The following GRB2 variants were observed in gnomAD, a reference collection of about 807,000 sequenced individuals.
GRB2 encodes the protein growth factor receptor bound protein 2.
In GRB2, 2 loss-of-function variants were observed where a neutral mutation model predicts 27.4. The observed-to-expected ratio is 0.07, with a 90% CI of 0.03 to 0.23. The LOEUF is 0.23. Ranked by LOEUF, GRB2 falls within the 10% of genes least tolerant of loss-of-function variation. GRB2 has a pLI of 1.00. For synonymous variants in GRB2, 94 were observed against 99.6 expected (o/e 0.94, Z 0.33); for missense variants, 102 against 282.4 (o/e 0.36, Z 4.58).
At chr17:75,385,825 G>C (rs1317424342) in intron 2 of GRB2, among the ~76,000 whole-genome samples, 1 of 152,190 alleles carries the variant, frequency 6.6e-6, no homozygotes, top group African/African-American at 2.4e-5. Flanking sequence ...CTCTGTGCAA[G>C]TGTAGGCATT....
intron 1 of GRB2, among the ~76,000 whole-genome samples, chr17:75,398,579 C>T (rs1484681643): frequency 1.3e-5 from 2 of 151,730 alleles, no homozygotes; most frequent in African/African-American, 4.8e-5. Flanking sequence ...TTTTACCCTA[C>T]CCGGTGTCCA....
chr17:75,398,526 G>A (rs1489042041), intron 1 of GRB2, among the ~76,000 whole-genome samples: 1 of 152,094 alleles, frequency 6.6e-6, no homozygotes, highest in East Asian at 1.9e-4. Flanking sequence ...CTCCCAAAGT[G>A]CTGGGATTAC....
At chr17:75,348,474 T>G (rs534590542) in intron 2 of GRB2, among the ~76,000 whole-genome samples, 22 of 152,350 alleles carry the variant, frequency 1.4e-4, no homozygotes, top group African/African-American at 5.3e-4. Flanking sequence ...CTTTAGATAT[T>G]GTTCAAGTGT....
At chr17:75,375,740 G>A (rs965478999) in intron 2 of GRB2, among the ~76,000 whole-genome samples, 9 of 151,704 alleles carry the variant, frequency 5.9e-5, no homozygotes, top group African/African-American at 2.2e-4. Flanking sequence ...AAGTACTGGG[G>A]ACTGGCCGGG....
chr17:75,386,084 A>G (rs1376466886), intron 2 of GRB2, among the ~76,000 whole-genome samples: 1 of 152,076 alleles, frequency 6.6e-6, no homozygotes, highest in African/African-American at 2.4e-5. Flanking sequence ...TTATGTCTAC[A>G]TCTTTAAAAA....
intron 2 of GRB2, among the ~76,000 whole-genome samples, chr17:75,379,073 G>C (rs1045704225): frequency 6.6e-6 from 1 of 152,058 alleles, no homozygotes; most frequent in Non-Finnish European, 1.5e-5. Context: ...TGAAGTACCT[G>C]CTTACTTTCA....
At chr17:75,356,506 A>G (rs1203128101) in intron 2 of GRB2, among the ~76,000 whole-genome samples, 7 of 152,172 alleles carry the variant, frequency 4.6e-5, no homozygotes, top group Non-Finnish European at 5.9e-5. Flanking sequence ...AGACCCTATC[A>G]TTCGTTCTTT....
At chr17:75,364,226 T>C (rs991934073) in intron 2 of GRB2, among the ~76,000 whole-genome samples, 2 of 152,178 alleles carry the variant, frequency 1.3e-5, no homozygotes, top group Non-Finnish European at 2.9e-5. Flanking sequence ...TCAAACCAAC[T>C]GGGCTTAAAT....
chr17:75,341,235 C>T (rs1490283294), intron 2 of GRB2, among the ~76,000 whole-genome samples: 1 of 151,784 alleles, frequency 6.6e-6, no homozygotes, highest in Non-Finnish European at 1.5e-5. Flanking sequence ...AGTTCGAGAC[C>T]AGCCTGGTCA....
At chr17:75,376,974 G>A (rs1453309347) in intron 2 of GRB2, among the ~76,000 whole-genome samples, 1 of 152,020 alleles carries the variant, frequency 6.6e-6, no homozygotes, top group African/African-American at 2.4e-5. Context: ...TTGTACCTCT[G>A]CACTCCAGCC....
intron 2 of GRB2, among the ~76,000 whole-genome samples, chr17:75,379,410 AAAAAG>A (rs138415184): frequency 0.59 from 88,119 of 148,278 alleles, 30,222 homozygotes; most frequent in East Asian, 0.9. Flanking sequence ...TAAAAAAAAA[AAAAAG>A]AAAGACAGGG....
chr17:75,356,141 T>C (rs1286333896), intron 2 of GRB2, among the ~76,000 whole-genome samples: 1 of 152,118 alleles, frequency 6.6e-6, no homozygotes, highest in African/African-American at 2.4e-5. Context: ...GCCCTATCTA[T>C]CTTAATTTTT....
chr17:75,375,634 C>G (rs898284493), intron 2 of GRB2, among the ~76,000 whole-genome samples: 2 of 152,126 alleles, frequency 1.3e-5, no homozygotes, highest in Non-Finnish European at 2.9e-5. Context: ...GTAATCCCAA[C>G]ACTTTGGGAG....
Position 75,366,868 on chromosome 17 carries a change from C to T in GRB2, c.78+26683G>A, listed in dbSNP as rs143899071. On this transcript the variant is annotated intron_variant, in intron 2 of 5. Transcript: ENST00000316804. ...TTTCCCTGAAATAAGCCAATGAAAA[C>T]GAAAAATACTTCTTAAATCTCTAAT... 7.5e-4 allele frequency among the ~76,000 whole-genome samples: 114 copies of T among 151,530 alleles called. 1 individual carries two copies. Among genetic ancestry groups the T allele is most frequent in the African/African-American group, 2.5e-3 (104 of 41,290 alleles).
At chr17:75,333,115 G>A (rs1475412853) in intron 2 of GRB2, among the ~76,000 whole-genome samples, 3 of 151,636 alleles carry the variant, frequency 2.0e-5, no homozygotes, top group Non-Finnish European at 2.9e-5. Flanking sequence ...TTGCTCTGTC[G>A]CCCAGGCTGA....
chr17:75,384,864 C>A lies in GRB2; in HGVS notation c.78+8687G>T, dbSNP rs1365142430. 3.3e-5 allele frequency among the ~76,000 whole-genome samples: 5 copies of A among 150,924 alleles called. No homozygotes were observed. In the South Asian group the frequency reaches 6.3e-4, roughly 19 times the overall value. ...AAAGACAGCAATTTTTCCTAAATGGCCTCTCTCTCTAGTTTGACCTCATTT... is the reference window on the plus strand; with the variant it reads ...AAAGACAGCAATTTTTCCTAAATGGACTCTCTCTCTAGTTTGACCTCATTT... On this transcript the variant is annotated intron_variant, in intron 2 of 5. Coordinates refer to ENST00000316804, the MANE Select transcript of GRB2 (RefSeq NM_002086.5).
intron 2 of GRB2, among the ~76,000 whole-genome samples, chr17:75,380,060 G>T (rs986442850): frequency 5.3e-5 from 8 of 152,176 alleles, no homozygotes; most frequent in African/African-American, 1.9e-4. Flanking sequence ...TATTCGTAGA[G>T]AAAACAGCTG....
intron 2 of GRB2, among the ~76,000 whole-genome samples, chr17:75,349,117 G>A (rs915909183): frequency 6.6e-6 from 1 of 152,210 alleles, no homozygotes; most frequent in Non-Finnish European, 1.5e-5. Flanking sequence ...ACAGGTGAGA[G>A]GGTATAGTAA....
intron 2 of GRB2, among the ~76,000 whole-genome samples, chr17:75,334,094 T>C (rs2078559530): frequency 1.3e-5 from 2 of 152,200 alleles, no homozygotes; most frequent in African/African-American, 4.8e-5. Context: ...AAACCGTGGA[T>C]AGTACAGGAC....
Sources: gnomAD v4.1 joint callset for allele counts (sites outside exome capture counted in the v4.1 genomes callset) on GRCh38, gnomAD v4.1.1 for gene constraint, MANE v1.5 for transcripts, NCBI Gene and HGNC (gene_info 2026-07-23, HGNC 2026-07-21) for gene names.